Variants in PAPLN observed in about 807,000 individuals in gnomAD.
PAPLN encodes papilin, proteoglycan like sulfated glycoprotein.
In PAPLN, 146 loss-of-function variants were observed where a neutral mutation model predicts 159.0. The ratio of observed to expected loss-of-function variants is 0.92; its 90% confidence interval spans 0.80 to 1.05. The LOEUF (loss-of-function observed/expected upper bound fraction) is 1.05. PAPLN is among the 50% of genes least tolerant of loss of function. The pLI is 0.00. For synonymous variants in PAPLN, 734 were observed against 702.9 expected, an observed-to-expected ratio of 1.04 and a Z score of -0.70; for missense variants, 1,720 against 1,743.9, an observed-to-expected ratio of 0.99 and a Z score of 0.24.
In PAPLN at chr14:73,264,701, T is replaced by G; in HGVS notation, c.3100T>G (p.Ser1034Ala). The G allele has an allele frequency of 6.2e-7, 1 of 1,612,890 alleles. No homozygotes were observed. Among genetic ancestry groups the G allele is most frequent in the Non-Finnish European group, 8.5e-7 (1 of 1,179,822 alleles). Reference protein sequence around the residue: ...GAAGPLGAIPSSHPQPANRLR... With the variant: ...GAAGPLGAIPASHPQPANRLR... ...TGCTGGGCCCCTGGGGGCCATCCCC[T>G]CTTCACACCCACAGCCTGCAAACAG... The change falls in exon 22 of 27, where the codon TCT becomes GCT. Residue 1034 changes from serine (S) to alanine (A), a missense_variant. Coordinates refer to ENST00000644200, the MANE Select transcript of PAPLN (RefSeq NM_001365906.3).
At chr14:73,248,532 A>G (rs1255242572) in intron 5 of PAPLN, among the ~76,000 whole-genome samples, 1 of 152,232 alleles carries the variant, frequency 6.6e-6, no homozygotes, top group Admixed American at 6.5e-5. Flanking sequence ...GGTAGGGTAC[A>G]GTGGCTCATG....
intron 14 of PAPLN, among the ~76,000 whole-genome samples, chr14:73,257,584 T>C (rs1158616913): frequency 6.6e-6 from 1 of 152,126 alleles, no homozygotes; most frequent in Non-Finnish European, 1.5e-5. Flanking sequence ...CCACCCATTC[T>C]AATGGCACAA....
In PAPLN at chr14:73,261,264, G is replaced by C; in HGVS notation, c.2215G>C (p.Gly739Arg). The C allele has an allele frequency of 6.2e-7, 1 of 1,613,876 alleles. No homozygotes were observed. The highest frequency in any genetic ancestry group is 8.5e-7 in the Non-Finnish European group (1 of 1,180,022). Residue 739 changes from glycine (G) to arginine (R), a missense_variant, in exon 18 of 27, where the codon GGG (glycine) becomes CGG (arginine). Coordinates refer to ENST00000644200, the MANE Select transcript of PAPLN (RefSeq NM_001365906.3). ...CGTGGCCACTGCAGCCGGTCCTCTT[G>C]GGGAAGGCTGTGTGGGCCAGCCCAG... ...DNVATAAGPL[G>R]EGCVGQPSHA...
rs1208058043 is a variant in PAPLN at position 73,245,896 on chromosome 14, A to G, written c.232-177A>G. 1 of 874,964 alleles carries G rather than the reference A, an allele frequency of 1.1e-6. No individual in the cohort carries two copies. The highest frequency in any genetic ancestry group is 1.7e-6 in the Non-Finnish European group (1 of 587,162). The allele number at this position is 874,964 out of a possible 1,614,324, so 54.2% of individuals were successfully genotyped here. Reference sequence around the variant, plus strand: ...ACTGGCCTTGCCCTCCACAGCCTAGAGCACCATGGAGGGGCACGCACAGGA... The same window carrying G: ...ACTGGCCTTGCCCTCCACAGCCTAGGGCACCATGGAGGGGCACGCACAGGA... On this transcript the variant is annotated intron_variant, in intron 4 of 26. Transcript: ENST00000644200. The surrounding 1 kb of genome is among the most constrained non-coding windows in gnomAD (Gnocchi z 4.2).
At chr14:73,246,010 G>A in intron 4 of PAPLN, 63 bp from the exon 5 acceptor site, 1 of 1,432,286 alleles carries the variant, frequency 7.0e-7, no homozygotes, top group Non-Finnish European at 9.2e-7. Context: ...CTCGGGCGGG[G>A]CGGGAGGTGG....
chr14:73,262,593 G>A lies in PAPLN; in HGVS notation c.2489G>A (p.Ser830Asn). The change falls in exon 19 of 27, where the codon AGC becomes AAC. Residue 830 changes from serine to asparagine, a missense_variant. By Grantham distance (46) the Ser-to-Asn change is conservative (BLOSUM62 1). Transcript: ENST00000644200. ...GRSTHTDGGG[S>N]SPAGEQEPSQ... ...AGCACCCACACGGATGGTGGCGGCA[G>A]CAGTCCTGCAGGCGAGCAGGAACCC... 2.6e-6 allele frequency: 4 copies of A among 1,558,444 alleles called. No individual in the cohort carries two copies. The highest frequency in any genetic ancestry group is 3.5e-6 in the Non-Finnish European group (4 of 1,149,816).
intron 10 of PAPLN, 108 bp from the exon 11 acceptor site, chr14:73,252,541 C>G: frequency 7.1e-7 from 1 of 1,413,348 alleles, no homozygotes; most frequent in South Asian, 1.4e-5. Context: ...TCATCTAAGA[C>G]TGAATGGGGA....
chr14:73,239,621 C>A, intron 1 of PAPLN, 152 bp from the exon 2 acceptor site: 4 of 1,387,940 alleles, frequency 2.9e-6, no homozygotes, highest in Non-Finnish European at 3.7e-6. Context: ...ACGCTGTGTT[C>A]TCTGCGGTGC....
At chr14:73,249,417 T>A (rs893451899) in intron 5 of PAPLN, among the ~76,000 whole-genome samples, 3 of 152,192 alleles carry the variant, frequency 2.0e-5, no homozygotes, top group African/African-American at 7.2e-5. Context: ...TTTACACCTG[T>A]AATCCCAGCA....
Position 73,252,107 on chromosome 14 carries a change from CT to C in PAPLN, c.934del (p.Ser312HisfsTer160). The C allele has an allele frequency of 6.2e-7, 1 of 1,610,172 alleles. No individual in the cohort carries two copies. Among genetic ancestry groups the C allele is most frequent in the Non-Finnish European group, 8.5e-7 (1 of 1,178,490 alleles). The stretch of plus-strand genomic sequence containing the variant: ...GCCCCGGCTTCAGCTGGAGCCACGG[CT>C]CATGGAGTGACTGCAGCGCGGAGTG... ...PSPGFSWSHG[S>X]WSDCSAECGG... is the part of the protein sequence containing the mutation. On this transcript the variant is annotated frameshift_variant, in exon 10 of 27. Coordinates refer to ENST00000644200, the MANE Select transcript of PAPLN (RefSeq NM_001365906.3). LOFTEE classifies it high-confidence loss of function.
At chr14:73,263,502 C>A in intron 19 of PAPLN, 143 bp from the exon 20 acceptor site, 1 of 1,039,976 alleles carries the variant, frequency 9.6e-7, no homozygotes, top group Non-Finnish European at 1.4e-6. Context: ...TTCTGGGGCT[C>A]TGCCTCCCAT....
rs188288125 is a variant in PAPLN, at chr14:73,246,241, A to T, written c.334+66A>T. The T allele has an allele frequency of 1.8e-5, 24 of 1,338,272 alleles. No individual in the cohort carries two copies. The African/African-American group carries it at 3.8e-4, about 21-fold the overall frequency. 82.9% of individuals were successfully genotyped at this position (1,338,272 alleles called of 1,614,324 possible). ...TACCTACGTTGATGCCACAGTTCCT[A>T]TTGCCGTATTATAGAGGCGTTGTCA... On this transcript the variant is annotated intron_variant, in intron 5 of 26. Coordinates refer to ENST00000644200, the MANE Select transcript of PAPLN (RefSeq NM_001365906.3).
At chr14:73,249,721 G>A (rs177395) in intron 5 of PAPLN, 10,742 of 205,088 alleles carry the variant, frequency 0.052, 1,026 homozygotes, top group African/African-American at 0.22. Flanking sequence ...CACCTCAGCT[G>A]TGGTAAATAA....
At position 73,250,912 on chromosome 14, in the gene PAPLN, C is replaced by T. The variant is rs150041669; in HGVS notation, c.471C>T (p.Val157=). Residue 157 remains valine (V), a synonymous_variant, in exon 7 of 27, where the codon GTC becomes GTT. Transcript: ENST00000644200. Reference sequence around the variant, plus strand: ...TCCCGCATCTCTGCCCACAGGTTGTCGGCTGTGATCACGAGCTGGACTCGT... The same window carrying T: ...TCCCGCATCTCTGCCCACAGGTTGTTGGCTGTGATCACGAGCTGGACTCGT... The part of the protein sequence containing the change: ...DVCVDGSCRV[V]GCDHELDSSK... 6.0e-5 allele frequency: 96 copies of T among 1,611,848 alleles called. No individual in the cohort carries two copies. The highest frequency in any genetic ancestry group is 1.3e-4 in the East Asian group (6 of 44,812).
chr14:73,247,746 G>A (rs1465667707), intron 5 of PAPLN, among the ~76,000 whole-genome samples: 1 of 145,856 alleles, frequency 6.9e-6, no homozygotes, highest in Non-Finnish European at 1.5e-5. Context: ...GTGTGTGTGT[G>A]TGTTGTGCCG....
At chr14:73,241,065 C>T (rs1883492626) in intron 2 of PAPLN, among the ~76,000 whole-genome samples, 1 of 152,068 alleles carries the variant, frequency 6.6e-6, no homozygotes, top group African/African-American at 2.4e-5. Context: ...AGCAGGACTC[C>T]TCTGCAGGGG....
intron 15 of PAPLN, 59 bp from the exon 16 acceptor site, chr14:73,259,210 A>C: frequency 6.6e-7 from 1 of 1,524,722 alleles, no homozygotes; most frequent in Non-Finnish European, 8.8e-7. Flanking sequence ...CAACGTGGAC[A>C]GGGGTGGAGG....
At chr14:73,237,976 G>A (rs1883149230) in intron 1 of PAPLN, among the ~76,000 whole-genome samples, 1 of 152,150 alleles carries the variant, frequency 6.6e-6, no homozygotes, top group Admixed American at 6.5e-5. Context: ...GAGCGTCCGG[G>A]AGCCCCAGCG....
intron 16 of PAPLN, 45 bp downstream of exon 16, chr14:73,259,590 AAGGTG>A (rs1185132805): frequency 1.4e-6 from 2 of 1,454,536 alleles, no homozygotes; most frequent in Non-Finnish European, 1.8e-6. Flanking sequence ...TCAAAGAGGG[AAGGTG>A]GGACCCCGTG....
Sources: allele counts gnomAD v4.1 joint callset (sites outside exome capture counted in the v4.1 genomes callset), GRCh38; gene constraint gnomAD v4.1.1; non-coding constraint Gnocchi (gnomAD v3.1); transcripts MANE v1.5; gene names NCBI Gene and HGNC (gene_info 2026-07-23, HGNC 2026-07-21).